The following HEATR1 variants were observed in gnomAD, a reference collection of about 807,000 sequenced individuals.
HEATR1 encodes the protein HEAT repeat containing 1.
Under a neutral mutation model 248.2 loss-of-function variants are expected in HEATR1, and 77 were observed. That is an observed-to-expected ratio of 0.31 (90% confidence interval 0.26 to 0.37). The LOEUF is 0.37. Ranked by LOEUF, HEATR1 falls within the 10% of genes least tolerant of loss-of-function variation. The pLI is 1.00. For missense variants in HEATR1, 2,420 were observed against 2,504.9 expected (o/e 0.97, Z 0.72); for synonymous variants, 897 against 923.1 (o/e 0.97, Z 0.51).
chr1:236,582,928 C>T, intron 18 of HEATR1, 56 bp from the exon 19 acceptor site: 1 of 1,606,750 alleles, frequency 6.2e-7, no homozygotes, highest in Admixed American at 1.7e-5. Flanking sequence ...ATGCTGGGAG[C>T]TTTTTATTCA....
chr1:236,603,065 T>C, intron 3 of HEATR1, 95 bp downstream of exon 3: 1 of 856,342 alleles, frequency 1.2e-6, no homozygotes, highest in Non-Finnish European at 1.9e-6. Context: ...ATATACCTAA[T>C]TTTTCAGCTT....
At chr1:236,558,174 A>G in intron 36 of HEATR1, 63 bp downstream of exon 36, 1 of 1,491,598 alleles carries the variant, frequency 6.7e-7, no homozygotes, top group Non-Finnish European at 9.0e-7. Context: ...AAGTCACCAA[A>G]GTGTTATTTT....
Position 236,550,692 on chromosome 1 carries a change from C to T in HEATR1, c.*210G>A. The T allele has an allele frequency of 2.1e-6, 1 of 467,058 alleles. No individual in the cohort carries two copies. The highest frequency in any genetic ancestry group is 3.8e-6 in the Non-Finnish European group (1 of 264,872). 28.9% of individuals were successfully genotyped at this position (467,058 alleles called of 1,614,324 possible). Reference sequence around the variant, plus strand: ...GTATAAAAATACCGTGTATCATTTACTCTTTCTGCAGCTCTATACGATAGG... The same window carrying T: ...GTATAAAAATACCGTGTATCATTTATTCTTTCTGCAGCTCTATACGATAGG... On this transcript the variant is annotated 3_prime_UTR_variant, in exon 45 of 45. Coordinates refer to ENST00000366582, the MANE Select transcript of HEATR1 (RefSeq NM_018072.6).
At chr1:236,558,130 T>G in intron 36 of HEATR1, 107 bp downstream of exon 36, 2 of 1,237,418 alleles carry the variant, frequency 1.6e-6, no homozygotes, top group Non-Finnish European at 2.2e-6. Flanking sequence ...AAATTCCAAT[T>G]TTATGCAACG....
rs746881120 is a variant in HEATR1 at position 236,553,561 on chromosome 1, C to A, written c.6237+20G>T. The A allele has an allele frequency of 2.1e-5, 33 of 1,609,452 alleles. No homozygotes were observed. The East Asian group carries it at 7.4e-4, about 36-fold the overall frequency. ...GCAGTGAAAAGATGCAGTTTCAGTA[C>A]TTGTCACGCAGTTCCTAACCTTAGG... On this transcript the variant is annotated intron_variant, in intron 43 of 44. Coordinates refer to ENST00000366582, the MANE Select transcript of HEATR1 (RefSeq NM_018072.6).
At position 236,603,204 on chromosome 1, in the gene HEATR1, G is replaced by A. The variant is rs757191202; in HGVS notation, c.315C>T (p.Phe105=). ...SLFLIHLSPY[F]LLKPAQKCLE... ...GACACTTCTGTGCTGGCTTAAGCAG[G>A]AAGTAAGGCGACAAGTGAATAAGGA... Residue 105 remains phenylalanine (F), a synonymous_variant, in exon 3 of 45, where the codon TTC becomes TTT. Transcript: ENST00000366582. 6.2e-7 allele frequency: 1 copy of A among 1,614,154 alleles called. No homozygotes were observed. Among genetic ancestry groups the A allele is most frequent in the Admixed American group, 1.7e-5 (1 of 60,024 alleles).
At chr1:236,556,001 G>C (rs1267158952) in intron 38 of HEATR1, 62 bp from the exon 39 acceptor site, 3 of 1,605,218 alleles carry the variant, frequency 1.9e-6, no homozygotes, top group African/African-American at 1.3e-5. Flanking sequence ...TCAGCGGTGT[G>C]TATTTTTAAA....
rs751695334 is a variant in HEATR1, at chr1:236,553,594, T to A, written c.6224A>T (p.Asp2075Val). 3 of 1,612,976 alleles carry A rather than the reference T, an allele frequency of 1.9e-6. No homozygotes were observed. The South Asian group carries it at 3.3e-5, about 18-fold the overall frequency. ...LNYQILLKTR[D>V]SSPKVRFAAL... The stretch of plus-strand genomic sequence containing the variant: ...GCAGTTCCTAACCTTAGGCGAGGAG[T>A]CTCTCGTCTTTAGCAGAATCTGGTA... The change falls in exon 43 of 45, where the codon GAC becomes GTC. Residue 2075 changes from aspartate (D) to valine (V), a missense_variant. Asp to Val is a radical substitution (Grantham distance 152). Coordinates refer to ENST00000366582, the MANE Select transcript of HEATR1 (RefSeq NM_018072.6).
chr1:236,598,791 TC>T (rs1042467670), intron 4 of HEATR1, among the ~76,000 whole-genome samples: 8 of 151,822 alleles, frequency 5.3e-5, no homozygotes, highest in Admixed American at 1.3e-4. Context: ...CCCATTTGCC[TC>T]CCCCCCTACC....
chr1:236,581,109 C>T (rs766833774), intron 20 of HEATR1, 113 bp downstream of exon 20: 20 of 834,696 alleles, frequency 2.4e-5, no homozygotes, highest in Middle Eastern at 6.2e-4. Flanking sequence ...TGAGATACCG[C>T]GCCTGCCCTC....
At chr1:236,558,202 G>A (rs200364056) in intron 36 of HEATR1, 35 bp downstream of exon 36, 26 of 1,580,880 alleles carry the variant, frequency 1.6e-5, no homozygotes, top group Non-Finnish European at 2.2e-5. Flanking sequence ...GTGCCAGGCG[G>A]TAACAGCTCC....
intron 4 of HEATR1, 76 bp downstream of exon 4, chr1:236,599,407 G>A (rs886688166): frequency 1.5e-5 from 19 of 1,274,896 alleles, no homozygotes; most frequent in Non-Finnish European, 2.1e-5. Flanking sequence ...CAGGAGCAAT[G>A]ACTTATTTTT....
At chr1:236,562,698 C>A (rs1049069515) in intron 32 of HEATR1, among the ~76,000 whole-genome samples, 1 of 152,190 alleles carries the variant, frequency 6.6e-6, no homozygotes, top group Non-Finnish European at 1.5e-5. Context: ...AGTTTCTAGA[C>A]CAATCTGGGC....
At chr1:236,563,800 A>G (rs867100515) in intron 32 of HEATR1, among the ~76,000 whole-genome samples, 9 of 152,140 alleles carry the variant, frequency 5.9e-5, no homozygotes, top group Admixed American at 5.2e-4. Context: ...TACAAATCAT[A>G]CATGCAGAAC....
intron 12 of HEATR1, among the ~76,000 whole-genome samples, chr1:236,588,400 C>G (rs1250168368): frequency 6.6e-6 from 1 of 152,232 alleles, no homozygotes; most frequent in African/African-American, 2.4e-5. Context: ...AGCTCTACCA[C>G]TTACTAGTTG....
intron 19 of HEATR1, 64 bp from the exon 20 acceptor site, chr1:236,581,478 CTT>C (rs1234204256): frequency 7.7e-6 from 9 of 1,161,744 alleles, no homozygotes; most frequent in Middle Eastern, 2.4e-4. Flanking sequence ...TCCAAATCCT[CTT>C]CTCACTAGTG....
At chr1:236,555,725 G>A in intron 39 of HEATR1, 70 bp from the exon 40 acceptor site, 1 of 1,604,870 alleles carries the variant, frequency 6.2e-7, no homozygotes, top group Non-Finnish European at 8.5e-7. Context: ...AAGTACCACT[G>A]TTACACGGCT....
In HEATR1 at chr1:236,549,239, A is replaced by G. The variant is rs927131280; in HGVS notation, c.*1663T>C. The G allele has an allele frequency of 1.4e-5, 5 of 359,210 alleles. No individual in the cohort carries two copies. Among genetic ancestry groups the G allele is most frequent in the Admixed American group, 9.3e-5 (2 of 21,480 alleles). The allele number at this position is 359,210 out of a possible 1,614,324, so 22.3% of individuals were successfully genotyped here. A position where few individuals can be genotyped will look rare whatever the true frequency, so the allele number is the denominator to read the frequency against. On this transcript the variant is annotated 3_prime_UTR_variant, in exon 45 of 45. Coordinates refer to ENST00000366582, the MANE Select transcript of HEATR1 (RefSeq NM_018072.6). ...TCAAAGCACTCTTCCACTTTACGTG[A>G]TTAAAATCAAACCTGTATCAGCAAG...
intron 29 of HEATR1, 71 bp from the exon 30 acceptor site, chr1:236,566,947 G>T: frequency 1.0e-6 from 1 of 1,003,958 alleles, no homozygotes; most frequent in South Asian, 1.4e-5. Context: ...AGGTGAACAA[G>T]ATAAGGCTTT....
Sources: allele counts gnomAD v4.1 joint callset (sites outside exome capture counted in the v4.1 genomes callset), GRCh38; gene constraint gnomAD v4.1.1; transcripts MANE v1.5; gene names NCBI Gene and HGNC (gene_info 2026-07-23, HGNC 2026-07-21).